Variants in POLR1E observed in about 807,000 individuals in gnomAD.
The protein encoded by POLR1E is DNA-directed RNA polymerase I subunit RPA49.
A neutral mutation model predicts 50.9 loss-of-function variants in POLR1E; 37 were observed. The ratio of observed to expected loss-of-function variants is 0.73; its 90% CI spans 0.56 to 0.96. The LOEUF is 0.96. Ranked by LOEUF, POLR1E falls within the 40% of genes least tolerant of loss-of-function variation. The pLI is 0.00. For missense variants in POLR1E, 426 were observed against 518.1 expected, an observed-to-expected ratio of 0.82 and a Z score of 1.73; for synonymous variants, 166 against 191.6, an observed-to-expected ratio of 0.87 and a Z score of 1.10.
intron 9 of POLR1E, among the ~76,000 whole-genome samples, chr9:37,499,264 C>T (rs1206657614): frequency 1.3e-5 from 2 of 152,068 alleles, no homozygotes; most frequent in East Asian, 1.9e-4. Flanking sequence ...ACTGTCTCTA[C>T]ACAAAAATAA....
chr9:37,497,848 G>A (rs1005414437), intron 8 of POLR1E, among the ~76,000 whole-genome samples: 3 of 151,950 alleles, frequency 2.0e-5, no homozygotes, highest in African/African-American at 4.8e-5. Flanking sequence ...CTGGAGCCTC[G>A]ACCTCCTGGG....
intron 10 of POLR1E, 68 bp downstream of exon 10, chr9:37,500,989 A>G (rs1820878328): frequency 1.4e-6 from 2 of 1,407,738 alleles, no homozygotes; most frequent in East Asian, 2.3e-5. Context: ...AGTGAGGAGC[A>G]GGGGCTTGGA....
chr9:37,486,509 G>A (rs780444872), intron 1 of POLR1E, 194 bp from the exon 2 acceptor site: 54 of 1,555,966 alleles, frequency 3.5e-5, no homozygotes, highest in East Asian at 2.9e-4. Context: ...CCTCCCCAGG[G>A]TTCTCCCACC....
At position 37,495,970 on chromosome 9, in the gene POLR1E, A is replaced by G. The variant is rs1418859208; in HGVS notation, c.736A>G (p.Met246Val). Residue 246 changes from methionine (M) to valine (V), a missense_variant, in exon 8 of 12, where the codon ATG becomes GTG. Met to Val is a conservative substitution (Grantham distance 21). Coordinates refer to ENST00000377798, the MANE Select transcript of POLR1E (RefSeq NM_022490.4). ...RNVTSEEILK[M>V]IEENSHCTFV... Reference sequence around the variant, plus strand: ...CGTCACGTCAGAAGAAATACTGAAGATGATTGAGGAGAACAGGTACCCTGA... The same window carrying G: ...CGTCACGTCAGAAGAAATACTGAAGGTGATTGAGGAGAACAGGTACCCTGA... 2.5e-6 allele frequency: 4 copies of G among 1,613,484 alleles called. No homozygotes were observed. Among genetic ancestry groups the G allele is most frequent in the Non-Finnish European group, 1.7e-6 (2 of 1,179,542 alleles).
intron 3 of POLR1E, among the ~76,000 whole-genome samples, chr9:37,488,632 C>T (rs1820620782): frequency 6.6e-6 from 1 of 152,152 alleles, no homozygotes; most frequent in African/African-American, 2.4e-5. Flanking sequence ...GGTCTCCTCC[C>T]CGTTTACTTG....
intron 5 of POLR1E, among the ~76,000 whole-genome samples, 184 bp downstream of exon 5, chr9:37,492,899 G>T (rs1355715816): frequency 6.6e-6 from 1 of 152,204 alleles, no homozygotes; most frequent in South Asian, 2.1e-4. Context: ...ACAGAGAACA[G>T]TCTGGCTCCC....
At chr9:37,496,713 G>A (rs756760626) in intron 8 of POLR1E, among the ~76,000 whole-genome samples, 12 of 149,988 alleles carry the variant, frequency 8.0e-5, no homozygotes, top group Non-Finnish European at 1.3e-4. Flanking sequence ...TTGTGACTCA[G>A]GGGCAGGTGC....
chr9:37,489,810 G>T lies in POLR1E; in HGVS notation c.343+410G>T, dbSNP rs144946230. ...GCTGGTCTCAAACTCTTGACCTCAG[G>T]TGATCCACCTGCCTCGGCCTCCCAA... On this transcript the variant is annotated intron_variant, in intron 4 of 11. Transcript: ENST00000377798. Among the ~76,000 whole-genome samples the T allele has an allele frequency of 6.2e-3, 946 of 152,298 alleles. 12 individuals carry two copies. The highest frequency in any genetic ancestry group is 0.021 in the African/African-American group (884 of 41,556).
intron 9 of POLR1E, among the ~76,000 whole-genome samples, chr9:37,498,614 A>ATGAGTTACACAGATGTATCT (rs1262180455): frequency 6.6e-5 from 10 of 152,224 alleles, no homozygotes; most frequent in African/African-American, 2.4e-4. Context: ...GAGAGAGCTT[A>ATGAGTTACACAGATGTATCT]TGAGTTACAC....
At chr9:37,496,623 C>T (rs866578228) in intron 8 of POLR1E, among the ~76,000 whole-genome samples, 2,549 of 111,530 alleles carry the variant, frequency 0.023, 134 homozygotes, top group African/African-American at 0.082. Flanking sequence ...ATTATTATTT[C>T]TTTTTTTTTT....
intron 2 of POLR1E, among the ~76,000 whole-genome samples, chr9:37,487,278 G>T (rs1199364063): frequency 6.6e-6 from 1 of 152,214 alleles, no homozygotes; most frequent in East Asian, 1.9e-4. Flanking sequence ...AAGCTCTGAG[G>T]CCACGTGGGG....
rs142612780 is a variant in POLR1E, at chr9:37,492,482, G to A, written c.344-175G>A. On this transcript the variant is annotated intron_variant, in intron 4 of 11. Coordinates refer to ENST00000377798, the MANE Select transcript of POLR1E (RefSeq NM_022490.4). Reference sequence around the variant, plus strand: ...AATTTATTTTCCAAGTTCTTTAACTGTATACTAAAGCTGCATATTAAATAT... The same window carrying A: ...AATTTATTTTCCAAGTTCTTTAACTATATACTAAAGCTGCATATTAAATAT... 78 of 822,718 alleles carry A rather than the reference G, an allele frequency of 9.5e-5. No individual in the cohort carries two copies. In the African/African-American group the frequency reaches 1.3e-3, roughly 14 times the overall value. The allele number at this position is 822,718 out of a possible 1,614,324, so 51.0% of individuals were successfully genotyped here.
rs116012585 is a variant in POLR1E, at chr9:37,503,451, G to A, written c.*249G>A. 4.5e-3 allele frequency: 1,418 copies of A among 317,488 alleles called. 18 individuals carry two copies. The highest frequency in any genetic ancestry group is 0.027 in the African/African-American group (1,293 of 47,038). 19.7% of individuals were successfully genotyped at this position (317,488 alleles called of 1,614,324 possible). The stretch of plus-strand genomic sequence containing the variant: ...AAAAGAGTCAGGCCTGGTGGTGTGC[G>A]CCTGTAATCCCAGCTACTCGGGAGG... On this transcript the variant is annotated 3_prime_UTR_variant, in exon 12 of 12. Transcript: ENST00000377798.
At chr9:37,486,400 C>T (rs1488973136) in intron 1 of POLR1E, 6 of 1,512,632 alleles carry the variant, frequency 4.0e-6, no homozygotes, top group Non-Finnish European at 5.3e-6. Context: ...CCCCCATTTC[C>T]CTCTCTTCAC....
intron 11 of POLR1E, 98 bp from the exon 12 acceptor site, chr9:37,502,945 A>G (rs1052923170): frequency 7.8e-7 from 1 of 1,278,212 alleles, no homozygotes; most frequent in African/African-American, 1.5e-5. Flanking sequence ...TTCTGTCTTT[A>G]TGGCCTGGAG....
At chr9:37,500,777 C>T (rs1820872310) in intron 9 of POLR1E, 63 bp from the exon 10 acceptor site, 2 of 1,368,584 alleles carry the variant, frequency 1.5e-6, no homozygotes, top group Non-Finnish European at 2.1e-6. Context: ...TCTCTTAGCT[C>T]ATGGTTGAGG....
intron 1 of POLR1E, chr9:37,486,386 G>A (rs10973360): frequency 0.81 from 1,219,751 of 1,497,138 alleles, 499,397 homozygotes; most frequent in East Asian, 0.99. Flanking sequence ...CAGGTCTCCC[G>A]CCTCCCCCAT....
intron 4 of POLR1E, among the ~76,000 whole-genome samples, chr9:37,490,157 G>A (rs1820654154): frequency 6.6e-6 from 1 of 151,422 alleles, no homozygotes; most frequent in Admixed American, 6.6e-5. Flanking sequence ...TCATTTCAAG[G>A]GACTATCTTC....
chr9:37,491,034 G>A (rs753956347), intron 4 of POLR1E: 173 of 244,864 alleles, frequency 7.1e-4, no homozygotes, highest in Middle Eastern at 1.4e-3. Context: ...TAACTTTCAC[G>A]TTGAGGACAA....
Sources: gnomAD v4.1 joint callset for allele counts (sites outside exome capture counted in the v4.1 genomes callset) on GRCh38, gnomAD v4.1.1 for gene constraint, MANE v1.5 for transcripts, NCBI Gene and HGNC (gene_info 2026-07-23, HGNC 2026-07-21) for gene names.